CACNA2D3: variants seen among roughly 807,000 people sequenced by gnomAD.
The protein encoded by CACNA2D3 is voltage-dependent calcium channel subunit alpha-2/delta-3.
CACNA2D3 carries 60 observed loss-of-function variants against 160.6 expected under a neutral mutation model. That is an observed-to-expected ratio of 0.37 (90% CI 0.30 to 0.46). CACNA2D3 has a LOEUF of 0.46. Ranked by LOEUF, CACNA2D3 falls within the 20% of genes least tolerant of loss-of-function variation. The pLI is 1.00. For missense variants in CACNA2D3, 1,205 were observed against 1,365.0 expected (o/e 0.88, Z 1.85); for synonymous variants, 558 against 492.9 (o/e 1.13, Z -1.75).
At chr3:54,484,618 C>T (rs1700987016) in intron 4 of CACNA2D3, among the ~76,000 whole-genome samples, 1 of 152,122 alleles carries the variant, frequency 6.6e-6, no homozygotes, top group African/African-American at 2.4e-5. Context: ...AGTGTGAGAA[C>T]ATTCTAAATG....
intron 4 of CACNA2D3, among the ~76,000 whole-genome samples, chr3:54,416,657 T>G (rs1373196730): frequency 1.3e-5 from 2 of 152,226 alleles, no homozygotes; most frequent in Non-Finnish European, 2.9e-5. Context: ...CACATTTTCA[T>G]ATACTGACAG....
At chr3:54,787,626 C>T (rs1372921562) in intron 13 of CACNA2D3, among the ~76,000 whole-genome samples, 1 of 152,020 alleles carries the variant, frequency 6.6e-6, no homozygotes, top group Non-Finnish European at 1.5e-5. Context: ...ACTGTTTTAA[C>T]AAAGGGTAAT....
At chr3:54,597,658 G>A (rs537924325) in intron 9 of CACNA2D3, among the ~76,000 whole-genome samples, 7 of 152,260 alleles carry the variant, frequency 4.6e-5, no homozygotes, top group African/African-American at 9.6e-5. Flanking sequence ...GGAGCTGATC[G>A]TGTGGTATTT....
chr3:54,634,989 G>A (rs1291634098), intron 10 of CACNA2D3, among the ~76,000 whole-genome samples: 4 of 151,906 alleles, frequency 2.6e-5, no homozygotes, highest in Admixed American at 2.0e-4. Context: ...GTGTTGGGGC[G>A]GGGAAAATTT....
chr3:54,338,470 T>TGTG (rs1704442708), intron 3 of CACNA2D3, among the ~76,000 whole-genome samples: 1 of 59,310 alleles, frequency 1.7e-5, no homozygotes, highest in African/African-American at 6.4e-5. Context: ...CCCCTCCCTG[T>TGTG]GTGTGTGTGT....
intron 27 of CACNA2D3, among the ~76,000 whole-genome samples, chr3:54,929,550 A>G (rs1317019852): frequency 2.0e-5 from 3 of 152,082 alleles, no homozygotes; most frequent in East Asian, 3.9e-4. Context: ...GCCCCTTGTC[A>G]CCCCACATAA....
chr3:54,169,168 G>A (rs778859036), intron 2 of CACNA2D3, among the ~76,000 whole-genome samples: 1 of 152,114 alleles, frequency 6.6e-6, no homozygotes, highest in Non-Finnish European at 1.5e-5. Context: ...AAAAACTACA[G>A]AACAAAACAA....
chr3:54,703,056 G>C (rs1700794689), intron 11 of CACNA2D3, among the ~76,000 whole-genome samples: 1 of 152,100 alleles, frequency 6.6e-6, no homozygotes, highest in Admixed American at 6.6e-5. Flanking sequence ...AGAGGGGAAC[G>C]ATAGACACCG....
intron 27 of CACNA2D3, among the ~76,000 whole-genome samples, chr3:54,943,953 C>T (rs1175371570): frequency 6.6e-6 from 1 of 152,124 alleles, no homozygotes; most frequent in African/African-American, 2.4e-5. Context: ...AAATTTCCTC[C>T]GACCTTGTAG....
At chr3:54,626,124 AAAT>A in intron 9 of CACNA2D3, 1 of 623,442 alleles carries the variant, frequency 1.6e-6, no homozygotes, top group South Asian at 2.0e-5. Context: ...TTTGGGGAGA[AAAT>A]AATCCATTTC....
chr3:54,255,740 C>CT (rs938474135), intron 2 of CACNA2D3, among the ~76,000 whole-genome samples: 1 of 152,150 alleles, frequency 6.6e-6, no homozygotes, highest in Non-Finnish European at 1.5e-5. Flanking sequence ...CGCTGCAGGC[C>CT]TTTGCTTATG....
chr3:54,535,924 C>G (rs1701882114), intron 5 of CACNA2D3, among the ~76,000 whole-genome samples: 1 of 152,120 alleles, frequency 6.6e-6, no homozygotes, highest in Non-Finnish European at 1.5e-5. Context: ...GATGAAGTGG[C>G]CACCAGGTAG....
At chr3:54,862,146 T>C (rs977946556) in intron 17 of CACNA2D3, among the ~76,000 whole-genome samples, 1 of 152,132 alleles carries the variant, frequency 6.6e-6, no homozygotes, top group South Asian at 2.1e-4. Context: ...CACATACATA[T>C]TTATACTGTA....
intron 14 of CACNA2D3, among the ~76,000 whole-genome samples, chr3:54,823,383 TAA>T (rs1703684397): frequency 6.7e-6 from 1 of 150,222 alleles, no homozygotes; most frequent in South Asian, 2.2e-4. Flanking sequence ...TTAACTTTTT[TAA>T]AAGTTTTTTT....
intron 2 of CACNA2D3, among the ~76,000 whole-genome samples, chr3:54,191,468 T>C (rs1476804797): frequency 1.3e-5 from 2 of 152,168 alleles, no homozygotes; most frequent in Non-Finnish European, 2.9e-5. Flanking sequence ...TTCATACGCA[T>C]GCTGAGCAGT....
intron 14 of CACNA2D3, among the ~76,000 whole-genome samples, chr3:54,821,641 GTTCTTTCTTTCT>G (rs1181056443): frequency 0.055 from 5,907 of 107,866 alleles, 218 homozygotes; most frequent in South Asian, 0.072. Context: ...AGAGTCTTTC[GTTCTTTCTTTCT>G]TTCTTTCTTT....
chr3:54,930,232 C>T (rs1206122431), intron 27 of CACNA2D3, among the ~76,000 whole-genome samples: 1 of 152,284 alleles, frequency 6.6e-6, no homozygotes, highest in South Asian at 2.1e-4. Flanking sequence ...TCCACCACCC[C>T]ACCTGTCACC....
At chr3:54,988,530 G>A (rs1261379100) in intron 31 of CACNA2D3, among the ~76,000 whole-genome samples, 1 of 152,186 alleles carries the variant, frequency 6.6e-6, no homozygotes, top group Non-Finnish European at 1.5e-5. Flanking sequence ...TTCAAGTGGT[G>A]CTTTAATGGG....
Position 54,879,332 on chromosome 3 carries a change from T to C in CACNA2D3, c.1783-18T>C. Reference sequence around the variant, plus strand: ...ATGTTTTCTTTTCTCTACGACTTTTTTTTTTTTTTCAATCTAGAAACGGGT... The same window carrying C: ...ATGTTTTCTTTTCTCTACGACTTTTCTTTTTTTTTCAATCTAGAAACGGGT... On this transcript the variant is annotated intron_variant, in intron 19 of 37. Transcript: ENST00000474759. 3 of 1,588,150 alleles carry C rather than the reference T, an allele frequency of 1.9e-6. No homozygotes were observed. The highest frequency in any genetic ancestry group is 2.6e-6 in the Non-Finnish European group (3 of 1,169,118).
Sources: gnomAD v4.1 joint callset for allele counts (sites outside exome capture counted in the v4.1 genomes callset) on GRCh38, gnomAD v4.1.1 for gene constraint, MANE v1.5 for transcripts, NCBI Gene and HGNC (gene_info 2026-07-23, HGNC 2026-07-21) for gene names.